LARP4B: variants seen among roughly 807,000 people sequenced by gnomAD.
LARP4B encodes la-related protein 4B.
Under a neutral mutation model 89.8 loss-of-function variants are expected in LARP4B, and 12 were observed. That is an observed-to-expected ratio of 0.13 (90% CI 0.09 to 0.22). The LOEUF is 0.22. Among genes scored for constraint, LARP4B ranks in the 10% least tolerant of loss-of-function variants. LARP4B has a pLI of 1.00. For synonymous variants in LARP4B, 367 were observed against 363.3 expected (o/e 1.01, Z -0.12); for missense variants, 757 against 947.7 (o/e 0.80, Z 2.64).
Position 812,879 on chromosome 10 carries a change from T to G in LARP4B, c.*47A>C. On this transcript the variant is annotated 3_prime_UTR_variant, in exon 18 of 18. Coordinates refer to ENST00000316157, the MANE Select transcript of LARP4B (RefSeq NM_015155.3). ...TCGCACTGAGTGGGAGAGTGTCTCG[T>G]TTGTGGTTAACACAGCGCTCTGCGA... 6.7e-7 allele frequency: 1 copy of G among 1,482,300 alleles called. No individual in the cohort carries two copies. Among genetic ancestry groups the G allele is most frequent in the Non-Finnish European group, 8.9e-7 (1 of 1,118,456 alleles). 91.8% of individuals were successfully genotyped at this position (1,482,300 alleles called of 1,614,324 possible).
chr10:864,322 AT>A (rs1286273036), intron 3 of LARP4B, 52 bp from the exon 4 acceptor site: 16 of 1,585,230 alleles, frequency 1.0e-5, no homozygotes, highest in Non-Finnish European at 1.3e-5. Context: ...ACCAAATACA[AT>A]TTTACTCATT....
At chr10:837,069 CA>C (rs1320453224) in intron 7 of LARP4B, among the ~76,000 whole-genome samples, 1 of 152,176 alleles carries the variant, frequency 6.6e-6, no homozygotes, top group Non-Finnish European at 1.5e-5. Context: ...AAATCACCAG[CA>C]TCAGGATGAA....
At chr10:880,161 G>A (rs980996399) in intron 3 of LARP4B, among the ~76,000 whole-genome samples, 13 of 152,282 alleles carry the variant, frequency 8.5e-5, no homozygotes, top group African/African-American at 2.6e-4. Context: ...GAGCAGCCAC[G>A]TGTCACTTGC....
At chr10:873,745 A>G (rs142740703) in intron 3 of LARP4B, among the ~76,000 whole-genome samples, 2 of 152,366 alleles carry the variant, frequency 1.3e-5, no homozygotes, top group African/African-American at 4.8e-5. Flanking sequence ...TGTAGGTATC[A>G]AGAAATTATT....
At chr10:871,051 T>C (rs2131876936) in intron 3 of LARP4B, among the ~76,000 whole-genome samples, 1 of 152,386 alleles carries the variant, frequency 6.6e-6, no homozygotes. Context: ...TTTGTGTACC[T>C]GTTTCCCACT....
At chr10:930,168 A>G (rs1350411476) in intron 1 of LARP4B, among the ~76,000 whole-genome samples, 2 of 152,238 alleles carry the variant, frequency 1.3e-5, no homozygotes, top group African/African-American at 4.8e-5. Flanking sequence ...ACAAACTACA[A>G]CTCAGCACCT....
At chr10:934,481 C>A (rs184800657), upstream of LARP4B, among the ~76,000 whole-genome samples, 150 of 152,084 alleles carry the variant, frequency 9.9e-4, no homozygotes, top group Non-Finnish European at 4.4e-4. Flanking sequence ...CAGAGCGAGA[C>A]CCTGTCTCAA....
chr10:900,618 CTTTTTT>C (rs907868624), intron 1 of LARP4B, among the ~76,000 whole-genome samples: 1 of 118,994 alleles, frequency 8.4e-6, no homozygotes, highest in Non-Finnish European at 1.8e-5. Flanking sequence ...GATATATTTC[CTTTTTT>C]TTTTTTTTTT....
At chr10:876,427 A>C (rs1835454643) in intron 3 of LARP4B, among the ~76,000 whole-genome samples, 2 of 152,210 alleles carry the variant, frequency 1.3e-5, no homozygotes, top group South Asian at 4.1e-4. Context: ...CAAAAGGGAG[A>C]AATAGGCAAG....
intron 5 of LARP4B, among the ~76,000 whole-genome samples, chr10:845,404 CAAT>C (rs1833725791): frequency 1.3e-5 from 2 of 152,038 alleles, no homozygotes; most frequent in Non-Finnish European, 2.9e-5. Context: ...AAACCCTAAA[CAAT>C]AATAAAATAC....
rs12247474 is a variant in LARP4B at position 847,436 on chromosome 10, C to A, written c.431-2381G>T. Among the ~76,000 whole-genome samples, 1,141 of 151,986 alleles carry A rather than the reference C, an allele frequency of 7.5e-3. 17 individuals are homozygous for A. The highest frequency in any genetic ancestry group is 0.026 in the African/African-American group (1,073 of 41,474). ...TTTCCCTTTAAAACCACCAAGAAAC[C>A]AAATAAGACAGATGAAATGACAGTT... On this transcript the variant is annotated intron_variant, in intron 5 of 17. Coordinates refer to ENST00000316157, the MANE Select transcript of LARP4B (RefSeq NM_015155.3).
chr10:883,605 T>C (rs2131925845), intron 3 of LARP4B, among the ~76,000 whole-genome samples: 1 of 151,714 alleles, frequency 6.6e-6, no homozygotes, highest in South Asian at 2.1e-4. Context: ...ATATAATAAT[T>C]TAGAAGGTGT....
At chr10:932,321 G>A (rs540905718), upstream of LARP4B, among the ~76,000 whole-genome samples, 2 of 83,572 alleles carry the variant, frequency 2.4e-5, no homozygotes, top group East Asian at 2.6e-4. Flanking sequence ...CCCCACACCC[G>A]GGACCCAGGC....
intron 1 of LARP4B, among the ~76,000 whole-genome samples, chr10:919,768 T>C (rs1836930010): frequency 6.6e-6 from 1 of 152,226 alleles, no homozygotes; most frequent in Admixed American, 6.5e-5. Context: ...CAGACTCCTG[T>C]GTTAACAGCG....
the LARP4B span, chr10:985,758 A>G: frequency 6.6e-6 from 1 of 152,232 alleles, no homozygotes; most frequent in Non-Finnish European, 1.5e-5. Context: ...CAGAAGCTTG[A>G]TTCCAACCGC....
chr10:819,369 A>C (rs1020618211), intron 14 of LARP4B: 4 of 152,208 alleles, frequency 2.6e-5, no homozygotes, highest in Non-Finnish European at 5.9e-5. Flanking sequence ...GGCAGTGTTA[A>C]AATCCTCTAG....
At chr10:875,210 T>C (rs548720818) in intron 3 of LARP4B, among the ~76,000 whole-genome samples, 3 of 152,186 alleles carry the variant, frequency 2.0e-5, no homozygotes, top group Non-Finnish European at 2.9e-5. Flanking sequence ...TGGCTTTGAG[T>C]CTCAGCTCCA....
chr10:961,863 C>A, the LARP4B span, among the ~76,000 whole-genome samples: 1 of 152,208 alleles, frequency 6.6e-6, no homozygotes, highest in Non-Finnish European at 1.5e-5. Context: ...GGCCCCACCT[C>A]CAACACTGGG....
At chr10:943,935 G>A in the LARP4B span, among the ~76,000 whole-genome samples, 1 of 152,134 alleles carries the variant, frequency 6.6e-6, no homozygotes, top group African/African-American at 2.4e-5. Flanking sequence ...CAGCCTCAGC[G>A]GGATGGGTGC....
Sources: allele counts gnomAD v4.1 joint callset (sites outside exome capture counted in the v4.1 genomes callset), GRCh38; gene constraint gnomAD v4.1.1; transcripts MANE v1.5; gene names NCBI Gene and HGNC (gene_info 2026-07-23, HGNC 2026-07-21).